The following BLNK variants were observed in gnomAD, a reference collection of about 807,000 sequenced individuals.
The protein encoded by BLNK is B cell linker.
In BLNK, 29 loss-of-function variants were observed where a neutral mutation model predicts 73.5. The observed-to-expected ratio is 0.39, with a 90% CI of 0.29 to 0.54. BLNK has a LOEUF of 0.54. Ranked by LOEUF, BLNK falls within the 20% of genes least tolerant of loss-of-function variation. The pLI, the probability that BLNK is intolerant of heterozygous loss-of-function variation, is 0.61. For missense variants in BLNK, 460 were observed against 562.8 expected, an observed-to-expected ratio of 0.82 and a Z score of 1.85; for synonymous variants, 176 against 200.8, an observed-to-expected ratio of 0.88 and a Z score of 1.04.
chr10:96,208,870 C>T (rs1250084918), intron 9 of BLNK, among the ~76,000 whole-genome samples: 1 of 152,178 alleles, frequency 6.6e-6, no homozygotes, highest in Non-Finnish European at 1.5e-5. Flanking sequence ...CAAAGTGATA[C>T]AGCTGAACTA....
chr10:96,190,078 C>T lies in BLNK; in HGVS notation c.*1895G>A. 1.2e-6 allele frequency: 1 copy of T among 859,018 alleles called. No homozygotes were observed. The highest frequency in any genetic ancestry group is 2.0e-6 in the Non-Finnish European group (1 of 506,344). 53.2% of individuals were successfully genotyped at this position (859,018 alleles called of 1,614,324 possible). A position where few individuals can be genotyped will look rare whatever the true frequency, so the allele number is the denominator to read the frequency against. ...TTCATCCTTTGCACCAGCCCCTAAA[C>T]TGACCGTTCTTAAGGATAACTGGTG... On this transcript the variant is annotated 3_prime_UTR_variant, in exon 17 of 17. Coordinates refer to ENST00000224337, the MANE Select transcript of BLNK (RefSeq NM_013314.4).
chr10:96,229,389 A>G (rs1360370384), intron 4 of BLNK, among the ~76,000 whole-genome samples: 3 of 152,172 alleles, frequency 2.0e-5, no homozygotes, highest in African/African-American at 7.2e-5. Flanking sequence ...TTTATTAACA[A>G]GCCTGGATTT....
intron 5 of BLNK, among the ~76,000 whole-genome samples, chr10:96,225,314 C>T (rs1842204506): frequency 6.6e-6 from 1 of 152,212 alleles, no homozygotes; most frequent in African/African-American, 2.4e-5. Flanking sequence ...CTGCTGCTTC[C>T]TGTGACAGCC....
intron 1 of BLNK, among the ~76,000 whole-genome samples, chr10:96,259,197 C>T (rs1387346631): frequency 1.3e-5 from 2 of 152,218 alleles, no homozygotes; most frequent in East Asian, 3.9e-4. Flanking sequence ...AGACAGCACC[C>T]ATTCCCTCTA....
intron 1 of BLNK, among the ~76,000 whole-genome samples, chr10:96,266,148 G>T (rs1843987660): frequency 6.6e-6 from 1 of 152,144 alleles, no homozygotes; most frequent in African/African-American, 2.4e-5. Flanking sequence ...GAACCAAGCT[G>T]ATAAATTCTC....
rs1163446134 is a variant in BLNK, at chr10:96,213,724, G to A, written c.676+1597C>T. Among the ~76,000 whole-genome samples the A allele has an allele frequency of 3.3e-5, 5 of 152,164 alleles. No individual in the cohort carries two copies. In the East Asian group the frequency reaches 9.6e-4, roughly 29 times the overall value. On this transcript the variant is annotated intron_variant, in intron 8 of 16. Coordinates refer to ENST00000224337, the MANE Select transcript of BLNK (RefSeq NM_013314.4). ...ATCTATTTCTCTAAAGGAGGGTTGA[G>A]GTCTTCATTTATTTATTTGTTAAAG...
At chr10:96,242,583 A>G in intron 3 of BLNK, 152 bp downstream of exon 3, 1 of 803,400 alleles carries the variant, frequency 1.2e-6, no homozygotes, top group Non-Finnish European at 2.1e-6. Flanking sequence ...ACTGTAGTCA[A>G]AATGCCTAAT....
At chr10:96,215,980 G>C (rs1289787870) in intron 7 of BLNK, 2 of 160,810 alleles carry the variant, frequency 1.2e-5, no homozygotes, top group African/African-American at 4.8e-5. Flanking sequence ...GTTGCTACAT[G>C]ATGGCGGACT....
intron 8 of BLNK, among the ~76,000 whole-genome samples, chr10:96,214,554 G>GA (rs763148202): frequency 5.0e-4 from 76 of 151,948 alleles, no homozygotes; most frequent in East Asian, 1.2e-3. Context: ...AAATTCAGGA[G>GA]AAAAAAAAGC....
At chr10:96,226,923 G>A (rs1842292501) in intron 5 of BLNK, among the ~76,000 whole-genome samples, 1 of 152,072 alleles carries the variant, frequency 6.6e-6, no homozygotes, top group East Asian at 1.9e-4. Flanking sequence ...GGGCTCCTGA[G>A]CACCTGTATC....
intron 2 of BLNK, among the ~76,000 whole-genome samples, chr10:96,246,667 A>C (rs1554907682): frequency 1.3e-5 from 2 of 152,234 alleles, no homozygotes; most frequent in South Asian, 2.1e-4. Flanking sequence ...TTCTCCATAC[A>C]TGTTTTCATA....
intron 8 of BLNK, among the ~76,000 whole-genome samples, chr10:96,213,946 G>A (rs144044788): frequency 6.6e-6 from 1 of 152,328 alleles, no homozygotes; most frequent in Non-Finnish European, 1.5e-5. Flanking sequence ...TGTGGGTTCT[G>A]AGGAGAGGTT....
At position 96,192,174 on chromosome 10, in the gene BLNK, T is replaced by C. The variant is rs149075195; in HGVS notation, c.1252-82A>G. 1.0e-3 allele frequency: 1,649 copies of C among 1,573,036 alleles called. 11 individuals carry two copies. The African/African-American group carries it at 0.02, about 19-fold the overall frequency. On this transcript the variant is annotated intron_variant, in intron 16 of 16. Transcript: ENST00000224337. ...CCACTCCTCCCATCTTCTCTCATTC[T>C]CAAGTTAGTAAAAGTTATTACACCC...
chr10:96,230,716 T>C, intron 4 of BLNK, 78 bp downstream of exon 4: 1 of 1,492,636 alleles, frequency 6.7e-7, no homozygotes, highest in Non-Finnish European at 9.2e-7. Flanking sequence ...ACCACCAGCA[T>C]GTAATTCAGA....
chr10:96,255,094 G>A (rs1843453969), intron 1 of BLNK, among the ~76,000 whole-genome samples: 1 of 152,116 alleles, frequency 6.6e-6, no homozygotes, highest in Admixed American at 6.5e-5. Context: ...AGGGAAGTTC[G>A]TCTGGCCAAG....
At chr10:96,216,817 C>T in intron 6 of BLNK, 83 bp from the exon 7 acceptor site, 2 of 1,172,228 alleles carry the variant, frequency 1.7e-6, no homozygotes, top group Non-Finnish European at 2.5e-6. Context: ...TTTTAAAAAG[C>T]ATTATTGAGA....
chr10:96,216,982 C>T (rs587612087), intron 6 of BLNK, among the ~76,000 whole-genome samples: 113 of 152,280 alleles, frequency 7.4e-4, no homozygotes, highest in Non-Finnish European at 1.4e-3. Context: ...CCCCATCCAC[C>T]GCTTCCTTGA....
At chr10:96,237,222 A>G (rs1554905258) in intron 3 of BLNK, among the ~76,000 whole-genome samples, 1 of 152,244 alleles carries the variant, frequency 6.6e-6, no homozygotes, top group Non-Finnish European at 1.5e-5. Flanking sequence ...TAGGAGCACC[A>G]GGCCCATGAC....
intron 1 of BLNK, among the ~76,000 whole-genome samples, chr10:96,255,248 C>T (rs12249494): frequency 0.034 from 5,157 of 152,118 alleles, 292 homozygotes; most frequent in African/African-American, 0.12. Flanking sequence ...CAAGAGGGCA[C>T]GGGGAGGGCA....
Sources: gnomAD v4.1 joint callset for allele counts (sites outside exome capture counted in the v4.1 genomes callset) on GRCh38, gnomAD v4.1.1 for gene constraint, MANE v1.5 for transcripts, NCBI Gene and HGNC (gene_info 2026-07-23, HGNC 2026-07-21) for gene names.